The following MEOX1 variants were observed in gnomAD, a reference collection of about 807,000 sequenced individuals.
MEOX1 encodes the protein mesenchyme homeobox 1, also known as homeobox protein MOX-1.
In MEOX1, 17 loss-of-function variants were observed where a neutral mutation model predicts 23.2. That is an observed-to-expected ratio of 0.73 (90% CI 0.50 to 1.10). MEOX1 has a LOEUF of 1.10. Among genes scored for constraint, MEOX1 ranks in the 50% least tolerant of loss-of-function variants. The pLI, the probability that MEOX1 is intolerant of heterozygous loss-of-function variation, is 0.00. For missense variants in MEOX1, 333 were observed against 332.2 expected (o/e 1.00, Z -0.02); for synonymous variants, 134 against 135.1 (o/e 0.99, Z 0.06).
At position 43,652,825 on chromosome 17, in the gene MEOX1, C is replaced by CTTTTTT. The variant is rs397856379; in HGVS notation, c.469+8235_469+8240dup. On this transcript the variant is annotated intron_variant, in intron 1 of 2. Coordinates refer to ENST00000318579, the MANE Select transcript of MEOX1 (RefSeq NM_004527.4). ...TATTTCATTCTCATCTCTACTATTGCTTTTTTTTTTTTTTTTTTTTTTTTG... is the reference window on the plus strand; with the variant it reads ...TATTTCATTCTCATCTCTACTATTGCTTTTTTTTTTTTTTTTTTTTTTTTTTTTTTG... Among the ~76,000 whole-genome samples, 92 of 71,098 alleles carry CTTTTTT rather than the reference C, an allele frequency of 1.3e-3. 1 individual carries two copies. The highest frequency in any genetic ancestry group is 1.5e-3 in the Non-Finnish European group (59 of 39,088). The allele number at this position is 71,098 out of a possible 152,430, so 46.6% of individuals were successfully genotyped here. A position where few individuals can be genotyped will look rare whatever the true frequency, so the allele number is the denominator to read the frequency against.
At chr17:43,652,885 G>A (rs1234874869) in intron 1 of MEOX1, among the ~76,000 whole-genome samples, 3 of 136,242 alleles carry the variant, frequency 2.2e-5, no homozygotes, top group East Asian at 4.8e-4. Context: ...AGGCTGGAGT[G>A]CAGTGGTGTG....
intron 1 of MEOX1, among the ~76,000 whole-genome samples, chr17:43,654,826 G>C (rs1258594556): frequency 6.6e-6 from 1 of 152,162 alleles, no homozygotes. Flanking sequence ...GCTGAGGCCA[G>C]TGGATCACGA....
chr17:43,640,659 T>G lies in MEOX1; in HGVS notation c.*1251A>C, dbSNP rs541289434. On this transcript the variant is annotated 3_prime_UTR_variant, in exon 3 of 3. Coordinates refer to ENST00000318579, the MANE Select transcript of MEOX1 (RefSeq NM_004527.4). ...CTCCCTCTGCAACACCAGCTGGTGT[T>G]GGGAGACAGAGCGCTGAGGCAGCCA... 1 of 152,168 alleles carries G rather than the reference T, an allele frequency of 6.6e-6. No individual in the cohort carries two copies. The highest frequency in any genetic ancestry group is 2.4e-5 in the African/African-American group (1 of 41,434). The allele number at this position is 152,168 out of a possible 1,614,324, so 9.4% of individuals were successfully genotyped here.
At chr17:43,649,973 G>A (rs921556156) in intron 1 of MEOX1, among the ~76,000 whole-genome samples, 1 of 152,188 alleles carries the variant, frequency 6.6e-6, no homozygotes, top group Non-Finnish European at 1.5e-5. Flanking sequence ...TTCGTAAAGT[G>A]AGCAGACAGC....
At chr17:43,658,125 T>G (rs536186526) in intron 1 of MEOX1, among the ~76,000 whole-genome samples, 2 of 152,378 alleles carry the variant, frequency 1.3e-5, no homozygotes, top group East Asian at 3.9e-4. Flanking sequence ...AACGCGTTTC[T>G]GATCAATGCT....
intron 1 of MEOX1, among the ~76,000 whole-genome samples, chr17:43,650,135 A>G (rs1972888764): frequency 6.6e-6 from 1 of 152,198 alleles, no homozygotes; most frequent in Admixed American, 6.5e-5. Context: ...TTCAAATAGC[A>G]CTGTGCAGTT....
intron 1 of MEOX1, among the ~76,000 whole-genome samples, chr17:43,652,799 T>G (rs1238617980): frequency 2.0e-5 from 3 of 151,430 alleles, no homozygotes; most frequent in Non-Finnish European, 4.4e-5. Context: ...GGTTGTCCAT[T>G]TATTTCATTC....
intron 1 of MEOX1, among the ~76,000 whole-genome samples, chr17:43,644,457 T>G (rs1972765840): frequency 1.3e-5 from 2 of 152,214 alleles, no homozygotes; most frequent in Non-Finnish European, 2.9e-5. Context: ...CTGACATATA[T>G]TAGCCTCTTA....
intron 1 of MEOX1, among the ~76,000 whole-genome samples, chr17:43,645,343 AT>A (rs1356253498): frequency 6.6e-6 from 1 of 151,336 alleles, no homozygotes; most frequent in African/African-American, 2.4e-5. Context: ...CGCCCGGCAA[AT>A]TTTTTTGTAT....
In MEOX1 at chr17:43,643,525, T is replaced by C. The variant is rs1411733931; in HGVS notation, c.605A>G (p.Tyr202Cys). 2 of 1,605,690 alleles carry C rather than the reference T, an allele frequency of 1.2e-6. No individual in the cohort carries two copies. Among genetic ancestry groups the C allele is most frequent in the Non-Finnish European group, 1.7e-6 (2 of 1,176,478 alleles). ...HHNYLTRLRR[Y>C]EIAVNLDLSE... ...GAGGTCCAGGTTTACCGCAATCTCA[T>C]ATCTGCGGAGCCGAGTCAGGTAGTT... is the stretch of plus-strand genomic sequence containing the variant. Residue 202 changes from tyrosine (Y) to cysteine (C), a missense_variant, in exon 2 of 3, where the codon TAT (tyrosine) becomes TGT (cysteine). Coordinates refer to ENST00000318579, the MANE Select transcript of MEOX1 (RefSeq NM_004527.4).
rs1373514995 is a variant in MEOX1 at position 43,661,584 on chromosome 17, C to T, written c.-50G>A. On this transcript the variant is annotated 5_prime_UTR_variant, in exon 1 of 3. Coordinates refer to ENST00000318579, the MANE Select transcript of MEOX1 (RefSeq NM_004527.4). ...CCTTTCAAAGATTTGATTCTTTATACTTTTTATGTTCAAATTTTTAAAAAT... is the reference window on the plus strand; with the variant it reads ...CCTTTCAAAGATTTGATTCTTTATATTTTTTATGTTCAAATTTTTAAAAAT... The T allele has an allele frequency of 2.9e-6, 3 of 1,045,488 alleles. No homozygotes were observed. The highest frequency in any genetic ancestry group is 1.7e-5 in the African/African-American group (1 of 59,888). The allele number at this position is 1,045,488 out of a possible 1,614,324, so 64.8% of individuals were successfully genotyped here.
Position 43,661,652 on chromosome 17 carries a change from G to T in MEOX1, c.-118C>A. On this transcript the variant is annotated 5_prime_UTR_variant, in exon 1 of 3. It adds an upstream start codon to the 5' untranslated region. Transcript: ENST00000318579. ...AAATAGGAGGGAAAAATGTTCAACA[G>T]AAAATTTACCCCAGGAACCAAAAAA... 14 of 496,948 alleles carry T rather than the reference G, an allele frequency of 2.8e-5. No homozygotes were observed. The highest frequency in any genetic ancestry group is 4.1e-5 in the Non-Finnish European group (13 of 319,212). The allele number at this position is 496,948 out of a possible 1,614,324, so 30.8% of individuals were successfully genotyped here.
rs9905021 is a variant in MEOX1 at position 43,645,171 on chromosome 17, C to T, written c.470-1511G>A. 9.9e-3 allele frequency among the ~76,000 whole-genome samples: 985 copies of T among 99,778 alleles called. 15 individuals carry two copies. The highest frequency in any genetic ancestry group is 0.014 in the Non-Finnish European group (742 of 54,788). 65.5% of individuals were successfully genotyped at this position (99,778 alleles called of 152,430 possible). A position where few individuals can be genotyped will look rare whatever the true frequency, so the allele number is the denominator to read the frequency against. On this transcript the variant is annotated intron_variant, in intron 1 of 2. Coordinates refer to ENST00000318579, the MANE Select transcript of MEOX1 (RefSeq NM_004527.4). Reference sequence around the variant, plus strand: ...AAAAGACGTTTGCTTCATTAATTATCTTTTTTTTTTTTTTTTTTTTTTTGA... The same window carrying T: ...AAAAGACGTTTGCTTCATTAATTATTTTTTTTTTTTTTTTTTTTTTTTTGA...
chr17:43,655,274 T>C (rs1972992869), intron 1 of MEOX1, among the ~76,000 whole-genome samples: 1 of 150,112 alleles, frequency 6.7e-6, no homozygotes, highest in Non-Finnish European at 1.5e-5. Flanking sequence ...AAATTGAGAC[T>C]ATCCTGGCCA....
At chr17:43,646,106 C>A (rs971880369) in intron 1 of MEOX1, among the ~76,000 whole-genome samples, 1 of 152,144 alleles carries the variant, frequency 6.6e-6, no homozygotes, top group Admixed American at 6.5e-5. Flanking sequence ...GTTGGCCGCC[C>A]GCGGGGCGCG....
At chr17:43,644,149 A>G (rs1219733031) in intron 1 of MEOX1, among the ~76,000 whole-genome samples, 7 of 152,140 alleles carry the variant, frequency 4.6e-5, no homozygotes, top group Admixed American at 4.6e-4. Flanking sequence ...GCACTCAGCA[A>G]TCTATTTTTA....
At chr17:43,657,280 C>T (rs1205640847) in intron 1 of MEOX1, among the ~76,000 whole-genome samples, 2 of 147,938 alleles carry the variant, frequency 1.4e-5, no homozygotes, top group Admixed American at 1.4e-4. Context: ...TCAAGCTATT[C>T]TCCTGCCTCA....
At chr17:43,647,922 G>A (rs1399342692) in intron 1 of MEOX1, among the ~76,000 whole-genome samples, 1 of 152,184 alleles carries the variant, frequency 6.6e-6, no homozygotes, top group Non-Finnish European at 1.5e-5. Flanking sequence ...CTGGGAGGGC[G>A]GTTGTCCCTT....
chr17:43,661,692 A>G lies in MEOX1; in HGVS notation c.-158T>C. 1.9e-6 allele frequency: 1 copy of G among 531,082 alleles called. No homozygotes were observed. The highest frequency in any genetic ancestry group is 3.2e-6 in the Non-Finnish European group (1 of 309,364). The allele number at this position is 531,082 out of a possible 1,614,324, so 32.9% of individuals were successfully genotyped here. A position where few individuals can be genotyped will look rare whatever the true frequency, so the allele number is the denominator to read the frequency against. On this transcript the variant is annotated 5_prime_UTR_variant, in exon 1 of 3. Transcript: ENST00000318579. Reference sequence around the variant, plus strand: ...GAACCAAAAAAAAAAAAAAACCCAAAACTAAAGTCTCTCCTTAAAGTACAC... The same window carrying G: ...GAACCAAAAAAAAAAAAAAACCCAAGACTAAAGTCTCTCCTTAAAGTACAC...
Sources: allele counts gnomAD v4.1 joint callset (sites outside exome capture counted in the v4.1 genomes callset), GRCh38; gene constraint gnomAD v4.1.1; transcripts MANE v1.5; gene names NCBI Gene and HGNC (gene_info 2026-07-23, HGNC 2026-07-21).